Variants in ARHGEF28 observed in about 807,000 individuals in gnomAD.
ARHGEF28 encodes 190 kDa guanine nucleotide exchange factor.
A neutral mutation model predicts 206.6 loss-of-function variants in ARHGEF28; 152 were observed. The ratio of observed to expected loss-of-function variants is 0.74; its 90% CI spans 0.64 to 0.84. The LOEUF is 0.84. ARHGEF28 is among the 40% of genes least tolerant of loss of function. The probability of loss-of-function intolerance (pLI) is 0.00; values close to 1 mark genes in which losing one functional copy is unlikely to be tolerated. For synonymous variants in ARHGEF28, 763 were observed against 776.4 expected, an observed-to-expected ratio of 0.98 and a Z score of 0.29; for missense variants, 2,028 against 2,073.2, an observed-to-expected ratio of 0.98 and a Z score of 0.42.
intron 2 of ARHGEF28, among the ~76,000 whole-genome samples, chr5:73,745,638 C>G (rs1455017036): frequency 6.6e-6 from 1 of 152,030 alleles, no homozygotes; most frequent in African/African-American, 2.4e-5. Context: ...TTCAGCTTTT[C>G]TGCTCTACAT....
intron 4 of ARHGEF28, among the ~76,000 whole-genome samples, chr5:73,772,967 G>A (rs568091785): frequency 6.6e-6 from 1 of 152,262 alleles, no homozygotes; most frequent in African/African-American, 2.4e-5. Context: ...GGAGAAGTAG[G>A]TCATTTTGTT....
At chr5:73,691,296 T>C (rs201621226) in intron 2 of ARHGEF28, among the ~76,000 whole-genome samples, 2 of 149,764 alleles carry the variant, frequency 1.3e-5, no homozygotes, top group East Asian at 3.9e-4. Flanking sequence ...GGCAAATGTG[T>C]ACACACACAC....
intron 9 of ARHGEF28, chr5:73,813,718 A>G (rs187629640): frequency 8.5e-5 from 129 of 1,510,428 alleles, no homozygotes; most frequent in Non-Finnish European, 1.1e-4. Flanking sequence ...AAAACCAGAC[A>G]TCCTATTCTT....
At chr5:73,741,076 C>A (rs112870510) in intron 2 of ARHGEF28, among the ~76,000 whole-genome samples, 6 of 152,170 alleles carry the variant, frequency 3.9e-5, no homozygotes, top group African/African-American at 1.4e-4. Context: ...TGATCTGCTG[C>A]TTAAAGTGCC....
At position 73,940,844 on chromosome 5, in the gene ARHGEF28, A is replaced by G. The variant is rs754792381; in HGVS notation, c.4949A>G (p.Asp1650Gly). The G allele has an allele frequency of 6.7e-7, 1 of 1,489,370 alleles. No individual in the cohort carries two copies. The highest frequency in any genetic ancestry group is 1.4e-5 in the African/African-American group (1 of 71,048). 92.3% of individuals were successfully genotyped at this position (1,489,370 alleles called of 1,614,324 possible). ...HESSKDSCKN[D>G]LDTSHTESPT... ...AACCTGTGCTGTCTGTTTCTTGCAG[A>G]TTTGGACACCTCCCACACTGAGTCC... The change falls in exon 36 of 36, where the codon GAT becomes GGT. Residue 1650 changes from aspartate (D) to glycine (G), a missense_variant and splice_region_variant. By Grantham distance (94) the Asp-to-Gly change is moderately conservative (BLOSUM62 -1). Transcript: ENST00000513042.
intron 22 of ARHGEF28, among the ~76,000 whole-genome samples, chr5:73,880,161 A>C (rs1051802160): frequency 2.6e-5 from 4 of 152,074 alleles, no homozygotes; most frequent in Non-Finnish European, 4.4e-5. Flanking sequence ...CTCGCTGCAG[A>C]CTTGCAGTTT....
intron 2 of ARHGEF28, 100 bp from the exon 3 acceptor site, chr5:73,749,737 A>G (rs371106377): frequency 1.5e-6 from 2 of 1,332,296 alleles, no homozygotes; most frequent in Admixed American, 2.1e-5. Flanking sequence ...TGAAGTGAAC[A>G]TAACAAATGA....
chr5:73,784,116 G>T (rs1754009822), intron 7 of ARHGEF28, among the ~76,000 whole-genome samples: 1 of 134,170 alleles, frequency 7.5e-6, no homozygotes, highest in Non-Finnish European at 1.6e-5. Flanking sequence ...GAGCATAAGA[G>T]CTTCCTCTTA....
intron 1 of ARHGEF28, among the ~76,000 whole-genome samples, chr5:73,633,681 A>G (rs1374671708): frequency 6.7e-6 from 1 of 149,750 alleles, no homozygotes; most frequent in African/African-American, 2.5e-5. Flanking sequence ...GGTTCAAGCA[A>G]TTCTCCCGTC....
chr5:73,629,599 C>T (rs1174407096), intron 1 of ARHGEF28, among the ~76,000 whole-genome samples: 4 of 151,580 alleles, frequency 2.6e-5, no homozygotes, highest in East Asian at 1.9e-4. Context: ...TAATTGACTT[C>T]CATTTTTCCC....
At chr5:73,795,420 G>A (rs371472086) in intron 9 of ARHGEF28, 29 bp downstream of exon 9, 20 of 1,576,482 alleles carry the variant, frequency 1.3e-5, no homozygotes, top group South Asian at 2.3e-5. Flanking sequence ...ACCTATACTC[G>A]TAGGGGCATC....
chr5:73,932,795 TA>T (rs1561206497), intron 35 of ARHGEF28, among the ~76,000 whole-genome samples: 2 of 138,856 alleles, frequency 1.4e-5, no homozygotes, highest in African/African-American at 5.5e-5. Context: ...TTTTATTTCC[TA>T]TTTCTTTTTT....
intron 1 of ARHGEF28, among the ~76,000 whole-genome samples, chr5:73,660,833 G>A (rs1242462136): frequency 6.6e-6 from 1 of 152,126 alleles, no homozygotes; most frequent in Non-Finnish European, 1.5e-5. Flanking sequence ...CCATGCTGTA[G>A]GAAGATGTAC....
At chr5:73,870,916 C>A (rs772807590) in intron 21 of ARHGEF28, among the ~76,000 whole-genome samples, 1 of 152,150 alleles carries the variant, frequency 6.6e-6, no homozygotes, top group African/African-American at 2.4e-5. Context: ...TTTCACTAAT[C>A]CTGTGTATGC....
At chr5:73,708,034 C>G (rs536451186) in intron 2 of ARHGEF28, among the ~76,000 whole-genome samples, 1 of 152,014 alleles carries the variant, frequency 6.6e-6, no homozygotes, top group African/African-American at 2.4e-5. Flanking sequence ...ATTTTCAAGC[C>G]TAGTATACTT....
intron 2 of ARHGEF28, among the ~76,000 whole-genome samples, chr5:73,738,668 C>T (rs966992127): frequency 6.6e-6 from 1 of 152,130 alleles, no homozygotes; most frequent in African/African-American, 2.4e-5. Flanking sequence ...CTGTGGAACA[C>T]AAGGACTTGG....
chr5:73,838,852 A>C (rs761020360), intron 10 of ARHGEF28, among the ~76,000 whole-genome samples: 3 of 151,666 alleles, frequency 2.0e-5, no homozygotes, highest in African/African-American at 4.8e-5. Context: ...ACCTTGTTCA[A>C]TTTTAGCAAG....
chr5:73,923,979 A>G (rs1228736117), intron 35 of ARHGEF28, among the ~76,000 whole-genome samples: 1 of 152,198 alleles, frequency 6.6e-6, no homozygotes, highest in African/African-American at 2.4e-5. Context: ...ATTTACATAG[A>G]GTGAAATGCT....
chr5:73,628,492 A>G (rs914042944), intron 1 of ARHGEF28, among the ~76,000 whole-genome samples: 29 of 150,208 alleles, frequency 1.9e-4, no homozygotes, highest in African/African-American at 6.8e-4. Context: ...TAATTTTATT[A>G]TGCTTTTATT....
Sources: gnomAD v4.1 joint callset for allele counts (sites outside exome capture counted in the v4.1 genomes callset) on GRCh38, gnomAD v4.1.1 for gene constraint, MANE v1.5 for transcripts, NCBI Gene and HGNC (gene_info 2026-07-23, HGNC 2026-07-21) for gene names.